Variants in GPHN observed in about 807,000 individuals in gnomAD.
GPHN encodes the protein gephyrin.
Under a neutral mutation model 95.5 loss-of-function variants are expected in GPHN, and 17 were observed. The ratio of observed to expected loss-of-function variants is 0.18; its 90% CI spans 0.12 to 0.27. GPHN has a LOEUF of 0.27. Among genes scored for constraint, GPHN ranks in the 10% least tolerant of loss-of-function variants. The probability of loss-of-function intolerance (pLI) is 1.00; values close to 1 mark genes in which losing one functional copy is unlikely to be tolerated. For missense variants in GPHN, 660 were observed against 978.1 expected, an observed-to-expected ratio of 0.67 and a Z score of 4.34; for synonymous variants, 320 against 322.5, an observed-to-expected ratio of 0.99 and a Z score of 0.08.
the GPHN span, among the ~76,000 whole-genome samples, chr14:67,611,661 G>A: frequency 6.6e-6 from 1 of 152,142 alleles, no homozygotes; most frequent in African/African-American, 2.4e-5. Context: ...AAAACAAAAG[G>A]CAAGCAGGTT....
intron 2 of GPHN, among the ~76,000 whole-genome samples, chr14:66,687,537 G>A (rs2067464955): frequency 7.4e-6 from 1 of 135,634 alleles, no homozygotes; most frequent in Non-Finnish European, 1.5e-5. Flanking sequence ...TGCTCAGGCT[G>A]GAGTGCAATG....
intron 2 of GPHN, among the ~76,000 whole-genome samples, chr14:66,724,294 A>G (rs2071028179): frequency 6.6e-6 from 1 of 151,676 alleles, no homozygotes; most frequent in South Asian, 2.1e-4. Context: ...TTCTTTTTCC[A>G]CAACAAATTC....
intron 8 of GPHN, among the ~76,000 whole-genome samples, chr14:66,942,068 A>G (rs945039708): frequency 6.6e-6 from 1 of 152,086 alleles, no homozygotes; most frequent in East Asian, 1.9e-4. Flanking sequence ...CTGGAGTGCA[A>G]TGGCATGATC....
At chr14:67,396,912 G>C in the GPHN span, among the ~76,000 whole-genome samples, 2 of 151,408 alleles carry the variant, frequency 1.3e-5, no homozygotes, top group Admixed American at 6.6e-5. Context: ...CTTGGCACAT[G>C]ATGGGCCCTT....
chr14:67,581,299 C>A, the GPHN span, among the ~76,000 whole-genome samples: 2 of 151,746 alleles, frequency 1.3e-5, no homozygotes, highest in African/African-American at 2.4e-5. Flanking sequence ...CACACACACA[C>A]AAACATCTGC....
the GPHN span, among the ~76,000 whole-genome samples, chr14:67,604,252 TC>T: frequency 6.6e-6 from 1 of 152,256 alleles, no homozygotes; most frequent in African/African-American, 2.4e-5. Flanking sequence ...TTGAGGTATA[TC>T]CTCCAAGCAG....
the GPHN span, chr14:67,473,457 G>C: frequency 6.2e-7 from 1 of 1,614,168 alleles, no homozygotes; most frequent in Non-Finnish European, 8.5e-7. The surrounding 1 kb of genome is among the most constrained non-coding windows in gnomAD (Gnocchi z 6.5). Flanking sequence ...CAGGGCTAGG[G>C]CGCCGCTGGG....
At chr14:67,735,333 C>A in the GPHN span, 1 of 782,308 alleles carries the variant, frequency 1.3e-6, no homozygotes, top group Non-Finnish European at 2.3e-6. Flanking sequence ...ACCAAAAGGA[C>A]CATCTAGTCT....
chr14:66,835,444 T>TTTAAAA (rs2061758632), intron 4 of GPHN, among the ~76,000 whole-genome samples: 1 of 151,960 alleles, frequency 6.6e-6, no homozygotes, highest in South Asian at 2.1e-4. Context: ...TGGGACATAT[T>TTTAAAA]TCAAAATAAT....
chr14:67,188,810 T>A, the GPHN span, among the ~76,000 whole-genome samples: 1 of 149,450 alleles, frequency 6.7e-6, no homozygotes, highest in Admixed American at 6.6e-5. Context: ...TCCTTCTTCC[T>A]TTCTTTTTCT....
At chr14:66,715,148 T>A (rs1023691280) in intron 2 of GPHN, among the ~76,000 whole-genome samples, 2 of 152,204 alleles carry the variant, frequency 1.3e-5, no homozygotes, top group Non-Finnish European at 2.9e-5. Flanking sequence ...ACTGTTTCAG[T>A]CTTGCTGCTT....
chr14:67,058,369 A>G (rs2075686605), intron 10 of GPHN, among the ~76,000 whole-genome samples: 3 of 152,338 alleles, frequency 2.0e-5, no homozygotes, highest in Admixed American at 2.0e-4. Context: ...TGACAATGTC[A>G]TTAGTCTTAG....
intron 3 of GPHN, among the ~76,000 whole-genome samples, chr14:66,809,261 A>G (rs2060667446): frequency 6.6e-6 from 1 of 152,170 alleles, no homozygotes; most frequent in African/African-American, 2.4e-5. Flanking sequence ...ACAGGAATGG[A>G]AAGTACTGGG....
intron 2 of GPHN, among the ~76,000 whole-genome samples, chr14:66,687,966 G>C (rs2067508502): frequency 6.6e-6 from 1 of 152,098 alleles, no homozygotes; most frequent in African/African-American, 2.4e-5. Context: ...TATTGCTCCT[G>C]CATGCTGTTG....
At chr14:66,865,142 A>G (rs907937351) in intron 4 of GPHN, among the ~76,000 whole-genome samples, 1 of 152,156 alleles carries the variant, frequency 6.6e-6, no homozygotes, top group Non-Finnish European at 1.5e-5. Context: ...GGGACTAAGT[A>G]TAAAAAGTAG....
intron 1 of GPHN, among the ~76,000 whole-genome samples, chr14:66,546,380 A>G (rs1317840348): frequency 2.0e-5 from 3 of 152,076 alleles, no homozygotes; most frequent in Admixed American, 2.0e-4. Flanking sequence ...GCGGCCGGGC[A>G]GAGGCTGCAA....
the GPHN span, chr14:67,690,660 G>A: frequency 2.0e-6 from 1 of 498,988 alleles, no homozygotes; most frequent in Non-Finnish European, 3.6e-6. Context: ...TGAAGTCCCA[G>A]CTCATTCCTA....
At chr14:67,122,512 C>A in intron 17 of GPHN, 135 bp downstream of exon 17, 1 of 733,620 alleles carries the variant, frequency 1.4e-6, no homozygotes, top group African/African-American at 1.7e-5. Flanking sequence ...CTTCAGAAGC[C>A]AAAGAATATT....
chr14:67,579,778 G>A, the GPHN span: 1 of 1,612,698 alleles, frequency 6.2e-7, no homozygotes, highest in Non-Finnish European at 8.5e-7. Context: ...GCTGAACCAG[G>A]AGATAGGCAT....
Sources: allele counts gnomAD v4.1 joint callset (sites outside exome capture counted in the v4.1 genomes callset), GRCh38; gene constraint gnomAD v4.1.1; non-coding constraint Gnocchi (gnomAD v3.1); transcripts MANE v1.5; gene names NCBI Gene and HGNC (gene_info 2026-07-23, HGNC 2026-07-21).